The following DGKB variants were observed in gnomAD, a reference collection of about 807,000 sequenced individuals.
DGKB encodes the protein diacylglycerol kinase beta.
DGKB carries 67 observed loss-of-function variants against 114.3 expected under a neutral mutation model. The ratio of observed to expected loss-of-function variants is 0.59; its 90% CI spans 0.48 to 0.72. The LOEUF is 0.72. Ranked by LOEUF, DGKB falls within the 30% of genes least tolerant of loss-of-function variation. The probability of loss-of-function intolerance (pLI) is 0.00; values close to 1 mark genes in which losing one functional copy is unlikely to be tolerated. For synonymous variants in DGKB, 398 were observed against 323.1 expected (o/e 1.23, Z -2.49); for missense variants, 907 against 975.2 (o/e 0.93, Z 0.93).
chr7:14,229,880 A>C (rs144921103), intron 23 of DGKB, among the ~76,000 whole-genome samples: 1 of 152,154 alleles, frequency 6.6e-6, no homozygotes, highest in African/African-American at 2.4e-5. Flanking sequence ...AATAAATATT[A>C]GACAAATTTT....
chr7:14,748,472 T>A (rs1410137277), intron 4 of DGKB, among the ~76,000 whole-genome samples: 1 of 152,174 alleles, frequency 6.6e-6, no homozygotes, highest in African/African-American at 2.4e-5. Flanking sequence ...AGAAGACAGC[T>A]AGTACAATGG....
chr7:14,832,745 C>T (rs528248063), intron 2 of DGKB, among the ~76,000 whole-genome samples: 19 of 152,022 alleles, frequency 1.2e-4, no homozygotes, highest in Non-Finnish European at 2.1e-4. Flanking sequence ...ATAAATCTTT[C>T]TAGAGTTTCA....
chr7:14,351,048 T>C (rs1813338627), intron 21 of DGKB, among the ~76,000 whole-genome samples: 1 of 152,172 alleles, frequency 6.6e-6, no homozygotes, highest in African/African-American at 2.4e-5. Context: ...ACTAAAACAG[T>C]CTCATAATTC....
chr7:14,172,924 A>G (rs985147898), intron 25 of DGKB, among the ~76,000 whole-genome samples: 25 of 152,156 alleles, frequency 1.6e-4, no homozygotes, highest in African/African-American at 6.0e-4. Flanking sequence ...TATGTTCTAC[A>G]TGCTCAGGAG....
intron 17 of DGKB, among the ~76,000 whole-genome samples, chr7:14,607,196 C>T (rs1011406112): frequency 6.7e-6 from 1 of 149,588 alleles, no homozygotes; most frequent in Non-Finnish European, 1.5e-5. Context: ...TTAATATCAT[C>T]ATTAGTACAA....
intron 25 of DGKB, among the ~76,000 whole-genome samples, chr7:14,168,573 G>A (rs761532081): frequency 6.6e-6 from 1 of 152,186 alleles, no homozygotes; most frequent in Admixed American, 6.5e-5. Context: ...TAAGAAAAAT[G>A]ACGTATTACA....
chr7:14,893,071 G>C (rs1781539853), intron 1 of DGKB, among the ~76,000 whole-genome samples: 1 of 151,086 alleles, frequency 6.6e-6, no homozygotes, highest in South Asian at 2.1e-4. Flanking sequence ...CATAAAAGCT[G>C]TTTCAAACTT....
chr7:14,430,780 C>G (rs945317201), intron 21 of DGKB, among the ~76,000 whole-genome samples: 1 of 152,068 alleles, frequency 6.6e-6, no homozygotes, highest in African/African-American at 2.4e-5. Context: ...ATTTCATTGG[C>G]ACATTTTTAT....
At chr7:14,629,481 T>C (rs1809279288) in intron 14 of DGKB, among the ~76,000 whole-genome samples, 1 of 151,982 alleles carries the variant, frequency 6.6e-6, no homozygotes, top group African/African-American at 2.4e-5. Flanking sequence ...CTAAATAAAT[T>C]CATAATCTTA....
At chr7:14,897,415 T>C (rs1587292048) in intron 1 of DGKB, among the ~76,000 whole-genome samples, 2 of 151,886 alleles carry the variant, frequency 1.3e-5, no homozygotes, top group Non-Finnish European at 2.9e-5. Flanking sequence ...TCACTATTTA[T>C]GAGCTATGAT....
At chr7:14,616,367 A>G (rs994021953) in intron 15 of DGKB, among the ~76,000 whole-genome samples, 1 of 151,534 alleles carries the variant, frequency 6.6e-6, no homozygotes, top group East Asian at 1.9e-4. Context: ...GTTAGGTACC[A>G]ACGTTATATT....
intron 21 of DGKB, among the ~76,000 whole-genome samples, chr7:14,425,453 A>C (rs1033932189): frequency 6.6e-6 from 1 of 152,142 alleles, no homozygotes; most frequent in Non-Finnish European, 1.5e-5. Flanking sequence ...CAGGTGAAAA[A>C]AAATGCCATT....
In DGKB at chr7:14,296,620, T is replaced by C. The variant is rs180687857; in HGVS notation, c.2122+41895A>G. 5.9e-5 allele frequency among the ~76,000 whole-genome samples: 9 copies of C among 151,842 alleles called. No individual in the cohort carries two copies. In the East Asian group the frequency reaches 1.6e-3, roughly 26 times the overall value. ...AAAAATCTAAAATGGACACCCTAAC[T>C]TCACAATTAAAAGAACTACAGAAGC... On this transcript the variant is annotated intron_variant, in intron 23 of 25. Transcript: ENST00000402815.
chr7:14,681,229 C>T (rs1380510627), intron 12 of DGKB, among the ~76,000 whole-genome samples: 1 of 151,870 alleles, frequency 6.6e-6, no homozygotes, highest in South Asian at 2.1e-4. Flanking sequence ...TTTGAATCAT[C>T]GTTAGACATT....
intron 13 of DGKB, among the ~76,000 whole-genome samples, chr7:14,630,988 T>C (rs930760314): frequency 1.5e-4 from 23 of 150,900 alleles, no homozygotes; most frequent in African/African-American, 5.1e-4. Flanking sequence ...AAAATACAAA[T>C]TTGGATAATT....
At chr7:14,722,774 T>C (rs982584392) in intron 5 of DGKB, among the ~76,000 whole-genome samples, 4 of 151,952 alleles carry the variant, frequency 2.6e-5, no homozygotes, top group African/African-American at 9.7e-5. Flanking sequence ...ATCATGCCAC[T>C]GCACTCCAGC....
At chr7:14,885,027 T>C (rs775685316) in intron 1 of DGKB, among the ~76,000 whole-genome samples, 5 of 151,942 alleles carry the variant, frequency 3.3e-5, no homozygotes, top group African/African-American at 7.2e-5. Context: ...GAAATGCTCT[T>C]AGACTTCCTG....
intron 2 of DGKB, among the ~76,000 whole-genome samples, chr7:14,821,158 G>A (rs1343860930): frequency 5.3e-5 from 8 of 152,134 alleles, no homozygotes; most frequent in Middle Eastern, 3.4e-3. Flanking sequence ...TTTTTGTATC[G>A]AAGCATCTTT....
At chr7:14,414,106 T>C (rs1825327245) in intron 21 of DGKB, among the ~76,000 whole-genome samples, 1 of 152,148 alleles carries the variant, frequency 6.6e-6, no homozygotes. Context: ...CAGCAAAAGA[T>C]GTAAAGTTTC....
Sources: gnomAD v4.1 joint callset for allele counts (sites outside exome capture counted in the v4.1 genomes callset) on GRCh38, gnomAD v4.1.1 for gene constraint, MANE v1.5 for transcripts, NCBI Gene and HGNC (gene_info 2026-07-23, HGNC 2026-07-21) for gene names.